GLB1: variants seen among roughly 807,000 people sequenced by gnomAD.
GLB1 encodes the protein galactosidase beta 1, also known as beta-galactosidase.
A neutral mutation model predicts 74.0 loss-of-function variants in GLB1; 56 were observed. The ratio of observed to expected loss-of-function variants is 0.76; its 90% CI spans 0.61 to 0.94. GLB1 has a LOEUF of 0.94. Ranked by LOEUF, GLB1 falls within the 40% of genes least tolerant of loss-of-function variation. The pLI, the probability that GLB1 is intolerant of heterozygous loss-of-function variation, is 0.00. For synonymous variants in GLB1, 323 were observed against 323.6 expected (o/e 1.00, Z 0.02); for missense variants, 787 against 845.5 (o/e 0.93, Z 0.86).
intron 10 of GLB1, among the ~76,000 whole-genome samples, chr3:33,026,826 T>G (rs1012388379): frequency 6.6e-5 from 10 of 152,118 alleles, no homozygotes; most frequent in Non-Finnish European, 1.0e-4. Flanking sequence ...GAACACTCGC[T>G]GGGACACCCT....
intron 9 of GLB1, among the ~76,000 whole-genome samples, chr3:33,047,286 T>C (rs941076838): frequency 3.3e-5 from 5 of 152,190 alleles, no homozygotes; most frequent in African/African-American, 1.2e-4. Flanking sequence ...GACCAGAGGA[T>C]CCCGACCTTG....
chr3:33,093,781 C>A lies in GLB1; in HGVS notation c.75+3230G>T. The A allele has an allele frequency of 6.2e-7, 1 of 1,613,386 alleles. No individual in the cohort carries two copies. The highest frequency in any genetic ancestry group is 8.5e-7 in the Non-Finnish European group (1 of 1,179,692). ...CAGGCCAAGAGCTGGTAGGCCTGCT[C>A]CATGCCGCTGAGGATGAAGAGGAAG... On this transcript the variant is annotated intron_variant, in intron 1 of 15. Coordinates refer to ENST00000307363, the MANE Select transcript of GLB1 (RefSeq NM_000404.4). The surrounding 1 kb of genome is among the most constrained non-coding windows in gnomAD (Gnocchi z 6.0).
the GLB1 span, among the ~76,000 whole-genome samples, chr3:32,972,068 A>G: frequency 7.8e-4 from 119 of 152,342 alleles, no homozygotes; most frequent in African/African-American, 2.8e-3. Flanking sequence ...GGAAACTGGA[A>G]AAATAATGAA....
At chr3:32,982,309 G>T in the GLB1 span, among the ~76,000 whole-genome samples, 1 of 127,964 alleles carries the variant, frequency 7.8e-6, no homozygotes, top group Admixed American at 8.7e-5. Context: ...GCGAAACTCC[G>T]TCTCCAAAAA....
the GLB1 span, among the ~76,000 whole-genome samples, chr3:32,961,627 C>T: frequency 6.6e-6 from 1 of 152,104 alleles, no homozygotes; most frequent in African/African-American, 2.4e-5. Context: ...TCGTCCTAGG[C>T]AGAAACACAA....
intron 3 of GLB1, 93 bp from the exon 4 acceptor site, chr3:33,068,383 A>C: frequency 6.5e-7 from 1 of 1,543,772 alleles, no homozygotes; most frequent in South Asian, 1.2e-5. Flanking sequence ...GGAAAAGAAT[A>C]AAAGCTTCAA....
chr3:33,033,619 C>T (rs1698147661), intron 10 of GLB1, among the ~76,000 whole-genome samples: 1 of 149,828 alleles, frequency 6.7e-6, no homozygotes, highest in Non-Finnish European at 1.5e-5. Context: ...CCCGTCTCTA[C>T]TAAAATACAA....
intron 2 of GLB1, 23 bp downstream of exon 2, chr3:33,072,521 G>A: frequency 1.2e-6 from 2 of 1,612,444 alleles, no homozygotes; most frequent in East Asian, 2.2e-5. Context: ...GCCTAGGTGA[G>A]AGCCACATGC....
chr3:33,061,439 G>C (rs926318948), intron 5 of GLB1, among the ~76,000 whole-genome samples: 1 of 152,022 alleles, frequency 6.6e-6, no homozygotes, highest in Non-Finnish European at 1.5e-5. Flanking sequence ...AACCACCAGA[G>C]AGTAAATATT....
chr3:33,071,717 C>T (rs1261313910), intron 2 of GLB1, among the ~76,000 whole-genome samples: 1 of 152,062 alleles, frequency 6.6e-6, no homozygotes, highest in Non-Finnish European at 1.5e-5. Context: ...CCCTCCTTCT[C>T]CCCTGAAGCA....
the GLB1 span, among the ~76,000 whole-genome samples, chr3:32,980,968 G>T: frequency 6.6e-6 from 1 of 151,714 alleles, no homozygotes; most frequent in African/African-American, 2.4e-5. Flanking sequence ...GTACACACCT[G>T]TAATCCTAGC....
chr3:33,092,912 G>A (rs761192929), intron 1 of GLB1: 2 of 1,614,196 alleles, frequency 1.2e-6, no homozygotes, highest in South Asian at 1.1e-5. Flanking sequence ...AGTAGGCTGT[G>A]CCTGGGCTGA....
chr3:33,014,095 C>T lies in GLB1; in HGVS notation c.1695G>A (p.Leu565=). The change falls in exon 15 of 16, where the codon TTG becomes TTA. Residue 565 remains leucine, a synonymous_variant. Coordinates refer to ENST00000307363, the MANE Select transcript of GLB1 (RefSeq NM_000404.4). ...GAAACTGGATAAAGGTGTCCTGGGG[C>T]AAGTCTGGGATCCCACTGGGAATGG... is the stretch of plus-strand genomic sequence containing the variant. ...NFSIPSGIPD[L]PQDTFIQFPG... The T allele has an allele frequency of 6.2e-7, 1 of 1,614,160 alleles. No individual in the cohort carries two copies. Among genetic ancestry groups the T allele is most frequent in the Non-Finnish European group, 8.5e-7 (1 of 1,180,032 alleles).
intron 15 of GLB1, among the ~76,000 whole-genome samples, chr3:33,008,056 C>T (rs1368349144): frequency 2.0e-5 from 3 of 152,196 alleles, no homozygotes; most frequent in Non-Finnish European, 4.4e-5. Flanking sequence ...GTCTATAAAG[C>T]GTTGAGCAGA....
At chr3:33,017,446 G>A (rs1697281937) in intron 13 of GLB1, among the ~76,000 whole-genome samples, 1 of 152,212 alleles carries the variant, frequency 6.6e-6, no homozygotes, top group African/African-American at 2.4e-5. Context: ...CAAGTTAGAA[G>A]CGAAGAAACA....
chr3:33,058,088 C>A lies in GLB1; in HGVS notation c.733+1G>T. On this transcript the variant is annotated splice_donor_variant, in intron 6 of 15. Transcript: ENST00000307363. LOFTEE classifies it high-confidence loss of function. ...CAATTTCTGTTACTACAAACACCAA[C>A]CTGTTCCAAAGTCCACCGTGGTGTA... 1 of 1,613,486 alleles carries A rather than the reference C, an allele frequency of 6.2e-7. No homozygotes were observed. Among genetic ancestry groups the A allele is most frequent in the Non-Finnish European group, 8.5e-7 (1 of 1,180,022 alleles).
At chr3:33,077,355 A>C in intron 1 of GLB1, 1 of 1,445,414 alleles carries the variant, frequency 6.9e-7, no homozygotes, top group Non-Finnish European at 9.6e-7. Context: ...TGTGAACGAT[A>C]GGGATGGTCA....
intron 9 of GLB1, 28 bp downstream of exon 9, chr3:33,051,730 G>C: frequency 6.2e-7 from 1 of 1,613,996 alleles, no homozygotes. Flanking sequence ...TCTAGCATAA[G>C]TTTCTACAGA....
the GLB1 span, among the ~76,000 whole-genome samples, chr3:32,972,124 T>A: frequency 8.6e-5 from 13 of 151,914 alleles, no homozygotes; most frequent in Middle Eastern, 3.4e-3. Context: ...AGCTACCTGG[T>A]TGCAAGACAG....
Sources: allele counts gnomAD v4.1 joint callset (sites outside exome capture counted in the v4.1 genomes callset), GRCh38; gene constraint gnomAD v4.1.1; non-coding constraint Gnocchi (gnomAD v3.1); transcripts MANE v1.5; gene names NCBI Gene and HGNC (gene_info 2026-07-23, HGNC 2026-07-21).